Variants in AGPS observed in about 807,000 individuals in gnomAD.
The protein encoded by AGPS is alkylglycerone phosphate synthase, also known as alkyldihydroxyacetonephosphate synthase, peroxisomal.
AGPS carries 26 observed loss-of-function variants against 90.7 expected under a neutral mutation model. That is an observed-to-expected ratio of 0.29 (90% CI 0.21 to 0.40). The LOEUF is 0.40. Ranked by LOEUF, AGPS falls within the 10% of genes least tolerant of loss-of-function variation. The pLI, the probability that AGPS is intolerant of heterozygous loss-of-function variation, is 1.00. For missense variants in AGPS, 540 were observed against 816.1 expected (o/e 0.66, Z 4.12); for synonymous variants, 294 against 285.3 (o/e 1.03, Z -0.31).
chr2:177,414,878 A>T (rs1028229345), intron 1 of AGPS, among the ~76,000 whole-genome samples: 3 of 138,634 alleles, frequency 2.2e-5, no homozygotes, highest in African/African-American at 8.6e-5. Flanking sequence ...TGCCTATCCC[A>T]TGGGTGCCTA....
intron 1 of AGPS, among the ~76,000 whole-genome samples, chr2:177,407,932 G>A (rs1387386066): frequency 1.3e-5 from 2 of 151,832 alleles, no homozygotes; most frequent in African/African-American, 2.4e-5. Flanking sequence ...GGGATTATAG[G>A]TATGTGCCAC....
At chr2:177,422,345 T>G (rs1431681938) in intron 2 of AGPS, among the ~76,000 whole-genome samples, 1 of 152,134 alleles carries the variant, frequency 6.6e-6, no homozygotes, top group Non-Finnish European at 1.5e-5. Context: ...CAAAGGAGAT[T>G]TGATGGTCTT....
At chr2:177,401,842 G>A (rs1014781900) in intron 1 of AGPS, among the ~76,000 whole-genome samples, 5 of 151,918 alleles carry the variant, frequency 3.3e-5, no homozygotes, top group South Asian at 2.1e-4. Context: ...CACCGTGCCC[G>A]GCTGATTCCA....
At chr2:177,446,121 C>A (rs1427426140) in intron 8 of AGPS, among the ~76,000 whole-genome samples, 2 of 150,270 alleles carry the variant, frequency 1.3e-5, no homozygotes, top group East Asian at 3.9e-4. Context: ...AAGGAGCATA[C>A]ATGCAGGGCT....
At chr2:177,412,530 C>T (rs1363388815) in intron 1 of AGPS, among the ~76,000 whole-genome samples, 5 of 152,112 alleles carry the variant, frequency 3.3e-5, no homozygotes, top group Non-Finnish European at 4.4e-5. Context: ...CCACGCTAAT[C>T]GTTTTTTTAA....
intron 11 of AGPS, among the ~76,000 whole-genome samples, chr2:177,489,087 CT>C (rs373471623): frequency 7.8e-4 from 109 of 139,920 alleles, no homozygotes; most frequent in African/African-American, 1.3e-3. Flanking sequence ...TTTGATGTTT[CT>C]TTTTTTTTTT....
At position 177,436,990 on chromosome 2, in the gene AGPS, T is replaced by C. The variant is rs998188081; in HGVS notation, c.573T>C (p.Leu191=). The change falls in exon 5 of 20, where the codon CTT becomes CTC. Residue 191 remains leucine, a synonymous_variant. Transcript: ENST00000264167. ...DRVFRAHGHC[L]HEIFLLREGM... ...TTAACCACAAAACAGGTCATTGTCT[T>C]CATGAGATATTTTTGCTCAGGGAAG... 2 of 1,613,566 alleles carry C rather than the reference T, an allele frequency of 1.2e-6. No individual in the cohort carries two copies. Among genetic ancestry groups the C allele is most frequent in the Non-Finnish European group, 1.7e-6 (2 of 1,179,740 alleles).
chr2:177,523,099 A>G (rs185047958), intron 18 of AGPS, among the ~76,000 whole-genome samples: 12 of 152,308 alleles, frequency 7.9e-5, no homozygotes, highest in Admixed American at 6.5e-5. Context: ...TTAGGTATCC[A>G]TAAGACTGAC....
intron 2 of AGPS, among the ~76,000 whole-genome samples, chr2:177,433,325 A>G (rs895456956): frequency 8.5e-5 from 13 of 152,188 alleles, no homozygotes; most frequent in African/African-American, 3.1e-4. Context: ...TTCAAATTAA[A>G]ATTGTAATGA....
intron 3 of AGPS, among the ~76,000 whole-genome samples, chr2:177,436,386 G>A (rs1304637284): frequency 2.0e-5 from 3 of 152,016 alleles, no homozygotes; most frequent in Non-Finnish European, 4.4e-5. Flanking sequence ...TCCTGACCTC[G>A]TGATCTGCCC....
intron 8 of AGPS, among the ~76,000 whole-genome samples, chr2:177,460,095 C>T (rs920761530): frequency 1.3e-5 from 2 of 152,156 alleles, no homozygotes; most frequent in Admixed American, 1.3e-4. Flanking sequence ...TGTTCTCACT[C>T]ATAAGTGGGA....
chr2:177,410,765 G>A (rs1273967312), intron 1 of AGPS, among the ~76,000 whole-genome samples: 1 of 152,162 alleles, frequency 6.6e-6, no homozygotes, highest in East Asian at 1.9e-4. Context: ...AAGCATACCC[G>A]GGGCTCTGTG....
Position 177,505,574 on chromosome 2 carries a change from G to A in AGPS, c.1544G>A (p.Arg515Gln). The A allele has an allele frequency of 6.2e-7, 1 of 1,609,598 alleles. No homozygotes were observed. The highest frequency in any genetic ancestry group is 8.5e-7 in the Non-Finnish European group (1 of 1,176,676). The change falls in exon 15 of 20, where the codon CGA becomes CAA. Residue 515 changes from arginine to glutamine, a missense_variant and splice_region_variant. Around this residue, in one of 2 missense-constraint regions of AGPS, gnomAD observed 405 missense variants for 692.1 expected, o/e 0.59. Coordinates refer to ENST00000264167, the MANE Select transcript of AGPS (RefSeq NM_003659.4). ...YLLTYVIAYI[R>Q]DLALEYYVLG... ...CTGACCTATGTTATTGCATACATTC[G>A]AGTAAGTTATATCATATTTCCCTTG...
intron 14 of AGPS, among the ~76,000 whole-genome samples, chr2:177,503,373 G>A (rs73031249): frequency 0.031 from 4,654 of 152,190 alleles, 231 homozygotes; most frequent in African/African-American, 0.1. Flanking sequence ...TTTAAAGCAT[G>A]CTTAAGTTGT....
intron 19 of AGPS, among the ~76,000 whole-genome samples, chr2:177,532,899 G>C (rs1310441326): frequency 6.6e-6 from 1 of 152,090 alleles, no homozygotes; most frequent in Non-Finnish European, 1.5e-5. Flanking sequence ...CATACTGCCT[G>C]GTTCTATTTC....
intron 10 of AGPS, among the ~76,000 whole-genome samples, chr2:177,473,828 T>C (rs1448358124): frequency 6.6e-6 from 1 of 152,234 alleles, no homozygotes; most frequent in Non-Finnish European, 1.5e-5. Context: ...GCAGAATTCC[T>C]AGCTGGCTTG....
At position 177,464,370 on chromosome 2, in the gene AGPS, A is replaced by G. The variant is rs367934502; in HGVS notation, c.996+2352A>G. 1.5e-4 allele frequency among the ~76,000 whole-genome samples: 23 copies of G among 152,372 alleles called. No homozygotes were observed. In the East Asian group the frequency reaches 3.7e-3, roughly 24 times the overall value. On this transcript the variant is annotated intron_variant, in intron 9 of 19. Transcript: ENST00000264167. The stretch of plus-strand genomic sequence containing the variant: ...TGATATTCTTTTAATACATGTGGCT[A>G]CAATGGAACCTGTGAAAAAATTAAA...
At chr2:177,419,195 G>T (rs1685873544) in intron 1 of AGPS, among the ~76,000 whole-genome samples, 1 of 151,436 alleles carries the variant, frequency 6.6e-6, no homozygotes. Flanking sequence ...ACTAGAACAA[G>T]AATTATGATT....
At chr2:177,499,757 G>C in intron 14 of AGPS, 27 bp downstream of exon 14, 4 of 1,418,766 alleles carry the variant, frequency 2.8e-6, no homozygotes, top group South Asian at 2.3e-5. Flanking sequence ...ATAATGCCAA[G>C]AGAAAGAGTT....
Sources: allele counts gnomAD v4.1 joint callset (sites outside exome capture counted in the v4.1 genomes callset), GRCh38; gene constraint gnomAD v4.1.1; regional missense constraint gnomAD v4.1.1; transcripts MANE v1.5; gene names NCBI Gene and HGNC (gene_info 2026-07-23, HGNC 2026-07-21).